The following AUTS2 variants were observed in gnomAD, a reference collection of about 807,000 sequenced individuals.
AUTS2 encodes the protein activator of transcription and developmental regulator AUTS2.
Under a neutral mutation model 112.4 loss-of-function variants are expected in AUTS2, and 17 were observed. The observed-to-expected ratio is 0.15, with a 90% confidence interval of 0.10 to 0.23. AUTS2 has a LOEUF of 0.23. Ranked by LOEUF, AUTS2 falls within the 10% of genes least tolerant of loss-of-function variation. AUTS2 has a pLI of 1.00. For synonymous variants in AUTS2, 751 were observed against 702.7 expected (o/e 1.07, Z -1.09); for missense variants, 1,510 against 1,701.6 (o/e 0.89, Z 1.98).
rs569171624 is a variant in AUTS2, at chr7:70,126,741, A to T, written c.625-7795A>T. 2.0e-5 allele frequency among the ~76,000 whole-genome samples: 3 copies of T among 152,346 alleles called. No homozygotes were observed. In the South Asian group the frequency reaches 6.2e-4, roughly 32 times the overall value. ...CTCAAATTATGAAATGTTAATGGGCATTTATTATAAACAGGCCAAGATTTA... is the reference window on the plus strand; with the variant it reads ...CTCAAATTATGAAATGTTAATGGGCTTTTATTATAAACAGGCCAAGATTTA... On this transcript the variant is annotated intron_variant, in intron 3 of 18. Coordinates refer to ENST00000342771, the MANE Select transcript of AUTS2 (RefSeq NM_015570.4).
chr7:70,232,244 T>G (rs1182110561), intron 4 of AUTS2, among the ~76,000 whole-genome samples: 1 of 152,256 alleles, frequency 6.6e-6, no homozygotes, highest in African/African-American at 2.4e-5. Context: ...TTAATAGATA[T>G]GCCACAGTTT....
At chr7:69,740,415 A>G (rs1787212654) in intron 1 of AUTS2, among the ~76,000 whole-genome samples, 1 of 152,178 alleles carries the variant, frequency 6.6e-6, no homozygotes, top group African/African-American at 2.4e-5. Context: ...TATTTAATCT[A>G]CTTCTGAGGC....
At chr7:69,942,833 A>T (rs1247592802) in intron 2 of AUTS2, among the ~76,000 whole-genome samples, 1 of 152,248 alleles carries the variant, frequency 6.6e-6, no homozygotes, top group Admixed American at 6.5e-5. Flanking sequence ...GAGCTGTGAA[A>T]ATCAGTTTGC....
At chr7:70,002,754 T>C (rs1799256689) in intron 2 of AUTS2, among the ~76,000 whole-genome samples, 1 of 152,124 alleles carries the variant, frequency 6.6e-6, no homozygotes, top group Non-Finnish European at 1.5e-5. Flanking sequence ...GACTGTACTT[T>C]GTATTTGGGG....
intron 1 of AUTS2, among the ~76,000 whole-genome samples, chr7:69,637,260 T>C (rs1794591465): frequency 6.6e-6 from 1 of 152,236 alleles, no homozygotes; most frequent in African/African-American, 2.4e-5. Context: ...TTTCTAGATA[T>C]TGAATTACTT....
rs71077682 is a variant in AUTS2, at chr7:70,784,742, TAA to T, written c.2147-170_2147-169del. On this transcript the variant is annotated intron_variant, in intron 15 of 18. Coordinates refer to ENST00000342771, the MANE Select transcript of AUTS2 (RefSeq NM_015570.4). Reference sequence around the variant, plus strand: ...GAGGGATGATTGATTTTCTGCTTCCTAAAAAAAAAAAAAAAAAAAAAAAAAAA... The same window carrying T: ...GAGGGATGATTGATTTTCTGCTTCCTAAAAAAAAAAAAAAAAAAAAAAAAA... 1,162 of 280,650 alleles carry T rather than the reference TAA, an allele frequency of 4.1e-3. 4 individuals are homozygous for T. Among genetic ancestry groups the T allele is most frequent in the African/African-American group, 0.019 (529 of 27,670 alleles). 17.4% of individuals were successfully genotyped at this position (280,650 alleles called of 1,614,324 possible).
chr7:70,536,196 C>G (rs1368215564), intron 5 of AUTS2, among the ~76,000 whole-genome samples: 1 of 151,910 alleles, frequency 6.6e-6, no homozygotes, highest in Non-Finnish European at 1.5e-5. Context: ...CAGGTAGGCA[C>G]AAGAATCACT....
At chr7:69,922,875 C>G (rs1443895328) in intron 2 of AUTS2, among the ~76,000 whole-genome samples, 1 of 152,100 alleles carries the variant, frequency 6.6e-6, no homozygotes, top group African/African-American at 2.4e-5. Context: ...TCCCTTTCCT[C>G]TAGTGTTGGT....
intron 4 of AUTS2, among the ~76,000 whole-genome samples, chr7:70,301,441 A>G (rs1789206639): frequency 6.6e-6 from 1 of 151,410 alleles, no homozygotes; most frequent in Non-Finnish European, 1.5e-5. Flanking sequence ...GAGTTTGCAT[A>G]GTTTAGGAGT....
At chr7:69,914,356 G>GACACACACACACACACACACACACACAC (rs66527808) in intron 2 of AUTS2, among the ~76,000 whole-genome samples, 6 of 136,004 alleles carry the variant, frequency 4.4e-5, no homozygotes, top group African/African-American at 8.3e-5. Context: ...CACACACACA[G>GACACACACACACACACACACACACACAC]ACACACACAC....
In AUTS2 at chr7:70,424,802, G is replaced by A. The variant is rs550429846; in HGVS notation, c.661-10950G>A. ...GGGTCTCGCTATGTTGCCCAGGCTG[G>A]TCTTGAACTTCTGGGCTCAAGAGAT... On this transcript the variant is annotated intron_variant, in intron 4 of 18. Transcript: ENST00000342771. Among the ~76,000 whole-genome samples the A allele has an allele frequency of 1.6e-4, 25 of 152,228 alleles. 1 individual carries two copies. In the South Asian group the frequency reaches 5.0e-3, roughly 30 times the overall value.
chr7:70,345,113 A>G (rs1375687605), intron 4 of AUTS2, among the ~76,000 whole-genome samples: 2 of 152,180 alleles, frequency 1.3e-5, no homozygotes, highest in Admixed American at 1.3e-4. Flanking sequence ...GTCTGAAAGA[A>G]TTTTGTAGGG....
chr7:70,547,720 G>T (rs1374407074), intron 5 of AUTS2, among the ~76,000 whole-genome samples: 1 of 152,058 alleles, frequency 6.6e-6, no homozygotes, highest in Non-Finnish European at 1.5e-5. Context: ...ATGGACATTT[G>T]GATTATTTCT....
Position 70,787,352 on chromosome 7 carries a change from A to T in AUTS2, c.2452A>T (p.Ser818Cys), listed in dbSNP as rs1433843969. The T allele has an allele frequency of 2.1e-5, 34 of 1,614,004 alleles. No homozygotes were observed. Among genetic ancestry groups the T allele is most frequent in the Non-Finnish European group, 2.9e-5 (34 of 1,179,982 alleles). Residue 818 changes from serine (S) to cysteine (C), a missense_variant, in exon 18 of 19, where the codon AGC (serine) becomes TGC (cysteine). Transcript: ENST00000342771. ...PWLKPGELER[S>C]ASAAAHDRDR... is the part of the protein sequence containing the mutation. ...GCTGAAGCCAGGGGAGCTGGAGCGC[A>T]GCGCGTCCGCTGCAGCTCATGACAG...
chr7:70,047,062 C>A (rs766850742), intron 2 of AUTS2, among the ~76,000 whole-genome samples: 1 of 151,988 alleles, frequency 6.6e-6, no homozygotes, highest in Non-Finnish European at 1.5e-5. Flanking sequence ...TTATGCAGTT[C>A]GGGGGTGATC....
chr7:70,666,511 TG>T (rs770573913), intron 5 of AUTS2, among the ~76,000 whole-genome samples: 8 of 152,200 alleles, frequency 5.3e-5, no homozygotes, highest in Admixed American at 1.3e-4. Flanking sequence ...TATGTAGTGA[TG>T]TCCAGCAGAA....
intron 6 of AUTS2, among the ~76,000 whole-genome samples, chr7:70,760,185 T>C (rs1789473682): frequency 6.6e-6 from 1 of 152,264 alleles, no homozygotes; most frequent in Non-Finnish European, 1.5e-5. Context: ...TTTTGTGTTT[T>C]TAGTAGAGGC....
intron 2 of AUTS2, among the ~76,000 whole-genome samples, chr7:69,903,032 C>T (rs1795027595): frequency 6.6e-6 from 1 of 152,094 alleles, no homozygotes; most frequent in Admixed American, 6.5e-5. Context: ...TCTTTCTGAC[C>T]TCTGTAAATG....
At chr7:70,664,466 C>T (rs184578078) in intron 5 of AUTS2, among the ~76,000 whole-genome samples, 1 of 152,308 alleles carries the variant, frequency 6.6e-6, no homozygotes, top group Non-Finnish European at 1.5e-5. Flanking sequence ...GTTTGTCAAA[C>T]ATGCCCATTA....
Sources: gnomAD v4.1 joint callset for allele counts (sites outside exome capture counted in the v4.1 genomes callset) on GRCh38, gnomAD v4.1.1 for gene constraint, MANE v1.5 for transcripts, NCBI Gene and HGNC (gene_info 2026-07-23, HGNC 2026-07-21) for gene names.